The following POLI variants were observed in gnomAD, a reference collection of about 807,000 sequenced individuals.
POLI encodes DNA polymerase iota.
In POLI, 58 loss-of-function variants were observed where a neutral mutation model predicts 51.6. The ratio of observed to expected loss-of-function variants is 1.12; its 90% CI spans 0.91 to 1.40. The LOEUF (loss-of-function observed/expected upper bound fraction) is 1.40. Among genes scored for constraint, POLI ranks in the 40% most tolerant of loss-of-function variants. The probability of loss-of-function intolerance (pLI) is 0.00; values close to 1 mark genes in which losing one functional copy is unlikely to be tolerated. For missense variants in POLI, 921 were observed against 871.3 expected, an observed-to-expected ratio of 1.06 and a Z score of -0.72; for synonymous variants, 322 against 299.7, an observed-to-expected ratio of 1.07 and a Z score of -0.77.
Position 54,295,098 on chromosome 18 carries a change from G to A in POLI, c.*631G>A, listed in dbSNP as rs2088251144. The A allele has an allele frequency of 1.0e-6, 1 of 985,360 alleles. No individual in the cohort carries two copies. Among genetic ancestry groups the A allele is most frequent in the African/African-American group, 1.7e-5 (1 of 57,244 alleles). The allele number at this position is 985,360 out of a possible 1,614,324, so 61.0% of individuals were successfully genotyped here. On this transcript the variant is annotated 3_prime_UTR_variant, in exon 10 of 10. Coordinates refer to ENST00000579534, the MANE Select transcript of POLI (RefSeq NM_007195.3). ...GCTAGGGCCAGGGTGGGGAGTTAAA[G>A]TGAGAGGAGGGTATATGTTATAGAG...
At position 54,292,024 on chromosome 18, in the gene POLI, G is replaced by T. The variant is rs1235209162; in HGVS notation, c.1390G>T (p.Gly464Cys). ...MPSLSTTSRSGKHSFKMKDTH... is the reference protein window; with the variant it reads ...MPSLSTTSRSCKHSFKMKDTH... ...ATCATTATCAACTACTTCACGCTCT[G>T]GCAAGCACAGTTTTGTAAGTACACT... The change falls in exon 9 of 10, where the codon GGC (glycine) becomes TGC (cysteine). Residue 464 changes from glycine (G) to cysteine (C), a missense_variant. Gly to Cys is a radical substitution (Grantham distance 159, BLOSUM62 -3). Transcript: ENST00000579534. 1.9e-6 allele frequency: 3 copies of T among 1,600,008 alleles called. 1 individual carries two copies. The East Asian group carries it at 6.7e-5, about 36-fold the overall frequency.
At position 54,297,236 on chromosome 18, in the gene POLI, T is replaced by C; in HGVS notation, c.*2769T>C. 2.0e-6 allele frequency: 2 copies of C among 985,196 alleles called. No individual in the cohort carries two copies. Among genetic ancestry groups the C allele is most frequent in the Non-Finnish European group, 2.4e-6 (2 of 829,882 alleles). The allele number at this position is 985,196 out of a possible 1,614,324, so 61.0% of individuals were successfully genotyped here. A position where few individuals can be genotyped will look rare whatever the true frequency, so the allele number is the denominator to read the frequency against. ...AAACCCCATCTTTCAAGCTTGCTTCTTGCTTGATGCTTTCTGCTGCTTTCT... is the reference window on the plus strand; with the variant it reads ...AAACCCCATCTTTCAAGCTTGCTTCCTGCTTGATGCTTTCTGCTGCTTTCT... On this transcript the variant is annotated 3_prime_UTR_variant, in exon 10 of 10. Coordinates refer to ENST00000579534, the MANE Select transcript of POLI (RefSeq NM_007195.3).
downstream of POLI, among the ~76,000 whole-genome samples, chr18:54,301,283 C>A (rs1247347204): frequency 6.6e-6 from 1 of 151,916 alleles, no homozygotes; most frequent in Non-Finnish European, 1.5e-5. Context: ...CCATCACACA[C>A]ACACACACAC....
At chr18:54,289,656 G>A (rs623642) in intron 8 of POLI, among the ~76,000 whole-genome samples, 1 of 137,252 alleles carries the variant, frequency 7.3e-6, no homozygotes, top group African/African-American at 2.7e-5. Flanking sequence ...CAGAACAGAG[G>A]CCTCAGAAAT....
chr18:54,311,297 C>T (rs1352130784), intron 3 of POLI, among the ~76,000 whole-genome samples: 2 of 152,050 alleles, frequency 1.3e-5, no homozygotes, highest in East Asian at 3.8e-4. Flanking sequence ...AAAGAAGACT[C>T]ACATATCCTT....
At chr18:54,271,553 ATAC>A in intron 2 of POLI, 68 bp downstream of exon 2, 1 of 1,062,556 alleles carries the variant, frequency 9.4e-7, no homozygotes, top group Non-Finnish European at 1.4e-6. Flanking sequence ...TGCTCATTAT[ATAC>A]TGATTTATTA....
chr18:54,269,744 A>C lies in POLI; in HGVS notation c.115+83A>C, dbSNP rs1686389760. The C allele has an allele frequency of 2.8e-6, 4 of 1,406,740 alleles. No homozygotes were observed. In the Admixed American group the frequency reaches 9.6e-5, roughly 34 times the overall value. 87.1% of individuals were successfully genotyped at this position (1,406,740 alleles called of 1,614,324 possible). On this transcript the variant is annotated intron_variant, in intron 1 of 9. Transcript: ENST00000579534. The stretch of plus-strand genomic sequence containing the variant: ...CAGGCGGACGCTCGGGGCGGCGGCC[A>C]CTGGGGCGCGACCGTCCCCGCCCCA...
rs767704925 is a variant in POLI at position 54,280,668 on chromosome 18, T to C, written c.561T>C (p.Ser187=). 6 of 1,599,376 alleles carry C rather than the reference T, an allele frequency of 3.8e-6. No homozygotes were observed. In the South Asian group the frequency reaches 6.6e-5, roughly 18 times the overall value. The change falls in exon 5 of 10, where the codon TCT becomes TCC. Residue 187 remains serine, a splice_region_variant and synonymous_variant. Transcript: ENST00000579534. Reference sequence around the variant, plus strand: ...GAATGACATTTGTTGTTTTTAAAGCTATAAACCTGCTTGACGTCTTGCACA... The same window carrying C: ...GAATGACATTTGTTGTTTTTAAAGCCATAAACCTGCTTGACGTCTTGCACA... ...TVSGHVYNNQ[S]INLLDVLHIR...
chr18:54,305,501 A>G lies in POLI; in HGVS notation c.334-14772A>G, dbSNP rs2088567470. Reference sequence around the variant, plus strand: ...TCCCTTGTAAGTTGGATTCCTAGGTATTTTATTCTCTTTGTAGCAATTGTG... The same window carrying G: ...TCCCTTGTAAGTTGGATTCCTAGGTGTTTTATTCTCTTTGTAGCAATTGTG... On this transcript the variant is annotated intron_variant, in intron 3 of 4. Transcript: ENST00000579823. Among the ~76,000 whole-genome samples, 6 of 102,328 alleles carry G rather than the reference A, an allele frequency of 5.9e-5. 1 individual carries two copies. The South Asian group carries it at 1.6e-3, about 27-fold the overall frequency. The allele number at this position is 102,328 out of a possible 152,430, so 67.1% of individuals were successfully genotyped here. A position where few individuals can be genotyped will look rare whatever the true frequency, so the allele number is the denominator to read the frequency against.
At chr18:54,299,242 C>T (rs900536140), downstream of POLI, among the ~76,000 whole-genome samples, 1 of 152,112 alleles carries the variant, frequency 6.6e-6, no homozygotes, top group Non-Finnish European at 1.5e-5. Flanking sequence ...CGAGACCAAC[C>T]TGGGCAACAT....
At chr18:54,292,159 G>A (rs1252833864) in intron 9 of POLI, 121 bp downstream of exon 9, 1 of 625,204 alleles carries the variant, frequency 1.6e-6, no homozygotes, top group African/African-American at 1.8e-5. Flanking sequence ...GGGTGATATT[G>A]TTTAGGTGAT....
At chr18:54,288,963 T>C (rs2087870389) in intron 8 of POLI, among the ~76,000 whole-genome samples, 1 of 152,184 alleles carries the variant, frequency 6.6e-6, no homozygotes, top group Admixed American at 6.5e-5. Context: ...TTATGTTAAC[T>C]GCTTTTCCTC....
downstream of POLI, among the ~76,000 whole-genome samples, chr18:54,299,988 C>T (rs2088464040): frequency 6.6e-6 from 1 of 151,534 alleles, no homozygotes; most frequent in Non-Finnish European, 1.5e-5. Context: ...AGTTGGTTAA[C>T]TTAGATATCT....
At chr18:54,310,303 G>A (rs146103046) in intron 3 of POLI, among the ~76,000 whole-genome samples, 4 of 152,102 alleles carry the variant, frequency 2.6e-5, no homozygotes, top group African/African-American at 2.4e-5. Flanking sequence ...GTCCTTCAAG[G>A]TTCCTGAGCT....
Position 54,280,906 on chromosome 18 carries a change from A to T in POLI, c.796+3A>T, listed in dbSNP as rs1568126817. 6.8e-7 allele frequency: 1 copy of T among 1,462,326 alleles called. No homozygotes were observed. The highest frequency in any genetic ancestry group is 1.7e-5 in the Admixed American group (1 of 59,310). The allele number at this position is 1,462,326 out of a possible 1,614,324, so 90.6% of individuals were successfully genotyped here. A position where few individuals can be genotyped will look rare whatever the true frequency, so the allele number is the denominator to read the frequency against. On this transcript the variant is annotated splice_donor_region_variant and intron_variant, in intron 5 of 9. Coordinates refer to ENST00000579534, the MANE Select transcript of POLI (RefSeq NM_007195.3). ...GAATCACATAAAGGAAATACCTGGT[A>T]AGACAAATATATTTGAAAAGTACAT...
At position 54,296,109 on chromosome 18, in the gene POLI, A is replaced by G. The variant is rs2088313672; in HGVS notation, c.*1642A>G. ...CAAGGAACATAGTATTTTTTACATG[A>G]GTATTCCAGTAAGGTAATTAAACTT... is the stretch of plus-strand genomic sequence containing the variant. On this transcript the variant is annotated 3_prime_UTR_variant, in exon 10 of 10. Transcript: ENST00000579534. The G allele has an allele frequency of 2.0e-6, 2 of 982,412 alleles. No homozygotes were observed. The highest frequency in any genetic ancestry group is 2.4e-6 in the Non-Finnish European group (2 of 827,308). 60.9% of individuals were successfully genotyped at this position (982,412 alleles called of 1,614,324 possible). A position where few individuals can be genotyped will look rare whatever the true frequency, so the allele number is the denominator to read the frequency against.
At position 54,297,045 on chromosome 18, in the gene POLI, G is replaced by A; in HGVS notation, c.*2578G>A. 1.0e-6 allele frequency: 1 copy of A among 985,388 alleles called. No individual in the cohort carries two copies. The allele number at this position is 985,388 out of a possible 1,614,324, so 61.0% of individuals were successfully genotyped here. A position where few individuals can be genotyped will look rare whatever the true frequency, so the allele number is the denominator to read the frequency against. ...TTGAGTTCGTTGCTTCTCTGGGTGA[G>A]GTGGTACAAACTCCTTGGCATACTC... On this transcript the variant is annotated 3_prime_UTR_variant, in exon 10 of 10. Transcript: ENST00000579534.
chr18:54,295,495 T>C lies in POLI; in HGVS notation c.*1028T>C. 1.1e-6 allele frequency: 1 copy of C among 949,418 alleles called. No homozygotes were observed. Among genetic ancestry groups the C allele is most frequent in the Non-Finnish European group, 1.3e-6 (1 of 797,204 alleles). 58.8% of individuals were successfully genotyped at this position (949,418 alleles called of 1,614,324 possible). ...ACTAAAGTATCCCTCAGCACCAATA[T>C]GGGAGTATCCTGGTCTCAAGTTTAT... is the stretch of plus-strand genomic sequence containing the variant. On this transcript the variant is annotated 3_prime_UTR_variant, in exon 10 of 10. Transcript: ENST00000579534.
rs969541746 is a variant in POLI at position 54,274,162 on chromosome 18, T to A, written c.406+72T>A. The A allele has an allele frequency of 5.0e-5, 35 of 705,814 alleles. No individual in the cohort carries two copies. In the African/African-American group the frequency reaches 5.0e-4, roughly 10 times the overall value. 43.7% of individuals were successfully genotyped at this position (705,814 alleles called of 1,614,324 possible). A position where few individuals can be genotyped will look rare whatever the true frequency, so the allele number is the denominator to read the frequency against. On this transcript the variant is annotated intron_variant, in intron 3 of 9. Coordinates refer to ENST00000579534, the MANE Select transcript of POLI (RefSeq NM_007195.3). ...ATGCCTGTTCATTACATGAATTTTT[T>A]AATAAATGTAAAATAACATAAGTCA...
Sources: gnomAD v4.1 joint callset for allele counts (sites outside exome capture counted in the v4.1 genomes callset) on GRCh38, gnomAD v4.1.1 for gene constraint, MANE v1.5 for transcripts, NCBI Gene and HGNC (gene_info 2026-07-23, HGNC 2026-07-21) for gene names.